The following OSBPL9 variants were observed in gnomAD, a reference collection of about 807,000 sequenced individuals.
OSBPL9 encodes oxysterol binding protein like 9.
A neutral mutation model predicts 106.6 loss-of-function variants in OSBPL9; 40 were observed. The observed-to-expected ratio is 0.38, with a 90% CI of 0.29 to 0.49. The LOEUF (loss-of-function observed/expected upper bound fraction) is 0.49. Among genes scored for constraint, OSBPL9 ranks in the 20% least tolerant of loss-of-function variants. The pLI, the probability that OSBPL9 is intolerant of heterozygous loss-of-function variation, is 0.97. For synonymous variants in OSBPL9, 269 were observed against 295.4 expected (o/e 0.91, Z 0.92); for missense variants, 609 against 887.2 (o/e 0.69, Z 3.98).
intron 2 of OSBPL9, among the ~76,000 whole-genome samples, chr1:51,667,045 A>G (rs1425563119): frequency 6.6e-6 from 1 of 152,220 alleles, no homozygotes; most frequent in African/African-American, 2.4e-5. Context: ...GAGAGGTAGA[A>G]TGAGCACAGC....
At chr1:51,746,119 T>C (rs780078796) in intron 5 of OSBPL9, among the ~76,000 whole-genome samples, 6 of 152,166 alleles carry the variant, frequency 3.9e-5, no homozygotes, top group Non-Finnish European at 7.4e-5. Context: ...GGTGCCCGTA[T>C]TTTTAGTAGA....
chr1:51,553,826 C>G, the OSBPL9 span, among the ~76,000 whole-genome samples: 5 of 152,044 alleles, frequency 3.3e-5, no homozygotes, highest in Non-Finnish European at 7.4e-5. Context: ...TTACAGGCAT[C>G]CGCCACCACA....
chr1:51,682,198 C>G (rs371433694), intron 3 of OSBPL9, among the ~76,000 whole-genome samples: 1 of 150,872 alleles, frequency 6.6e-6, no homozygotes, highest in Non-Finnish European at 1.5e-5. Flanking sequence ...AGCAAGACTC[C>G]GTCTCAAAAA....
Position 51,729,939 on chromosome 1 carries a change from C to T in OSBPL9, c.319-15597C>T. 7.6e-7 allele frequency: 1 copy of T among 1,310,384 alleles called. No homozygotes were observed. Among genetic ancestry groups the T allele is most frequent in the Non-Finnish European group, 9.8e-7 (1 of 1,021,360 alleles). 81.2% of individuals were successfully genotyped at this position (1,310,384 alleles called of 1,614,324 possible). ...GTGCTCGGGAGCAGCCCCCGGCTAC[C>T]TCCCCTGGAGGCACAGAGGGCGGGG... On this transcript the variant is annotated intron_variant, in intron 4 of 23. Transcript: ENST00000428468. The surrounding 1 kb of genome is among the most constrained non-coding windows in gnomAD (Gnocchi z 5.1).
the OSBPL9 span, among the ~76,000 whole-genome samples, chr1:51,558,644 C>T: frequency 6.6e-6 from 1 of 152,120 alleles, no homozygotes; most frequent in Non-Finnish European, 1.5e-5. Context: ...CATTCCCTAG[C>T]ACCCCGCCTG....
chr1:51,537,941 C>T, the OSBPL9 span, among the ~76,000 whole-genome samples: 206 of 152,242 alleles, frequency 1.4e-3, no homozygotes, highest in Middle Eastern at 0.014. Context: ...TCTCCCTTTT[C>T]CCACAGTAAG....
chr1:51,753,869 A>T (rs183849768), intron 8 of OSBPL9, among the ~76,000 whole-genome samples: 2 of 152,138 alleles, frequency 1.3e-5, no homozygotes, highest in East Asian at 3.9e-4. Context: ...CCATCCCTAG[A>T]CATTGTGTTA....
the OSBPL9 span, among the ~76,000 whole-genome samples, chr1:51,534,983 G>T: frequency 6.6e-6 from 1 of 152,140 alleles, no homozygotes; most frequent in Admixed American, 6.6e-5. Context: ...CAAGATGTGA[G>T]ACCCTCTCAC....
At chr1:51,662,035 A>G (rs1647207829) in intron 2 of OSBPL9, among the ~76,000 whole-genome samples, 2 of 152,218 alleles carry the variant, frequency 1.3e-5, no homozygotes, top group Non-Finnish European at 2.9e-5. Flanking sequence ...CCAGGACAAC[A>G]GGAATAATCC....
At chr1:51,683,087 G>T (rs1652944786) in intron 3 of OSBPL9, among the ~76,000 whole-genome samples, 1 of 152,046 alleles carries the variant, frequency 6.6e-6, no homozygotes, top group Non-Finnish European at 1.5e-5. Flanking sequence ...ACGTTGGCCA[G>T]GCTGGTCTTG....
intron 1 of OSBPL9, among the ~76,000 whole-genome samples, chr1:51,633,948 T>A (rs1645267182): frequency 6.6e-6 from 1 of 152,202 alleles, no homozygotes; most frequent in Non-Finnish European, 1.5e-5. Context: ...TAACAGTTTT[T>A]CATTGCAAAC....
At chr1:51,553,389 T>C in the OSBPL9 span, among the ~76,000 whole-genome samples, 1 of 151,726 alleles carries the variant, frequency 6.6e-6, no homozygotes, top group East Asian at 1.9e-4. Flanking sequence ...TGGCATGCAT[T>C]TGTAGTCTCA....
chr1:51,610,826 C>T (rs1181236127), intron 2 of OSBPL9, among the ~76,000 whole-genome samples: 1 of 152,212 alleles, frequency 6.6e-6, no homozygotes, highest in Non-Finnish European at 1.5e-5. Flanking sequence ...TCCATGTTGT[C>T]TACGTGAGGC....
At chr1:51,768,066 C>T (rs140334429) in intron 12 of OSBPL9, among the ~76,000 whole-genome samples, 1 of 150,764 alleles carries the variant, frequency 6.6e-6, no homozygotes, top group African/African-American at 2.4e-5. Flanking sequence ...CTCAGCCTCC[C>T]GAGTAGCTGG....
chr1:51,593,904 T>TCACA (rs58936844), intron 1 of OSBPL9, among the ~76,000 whole-genome samples: 10,447 of 140,076 alleles, frequency 0.075, 587 homozygotes, highest in East Asian at 0.17. Context: ...TAATCAGATT[T>TCACA]CACACACACA....
chr1:51,520,094 T>C, the OSBPL9 span, among the ~76,000 whole-genome samples: 1 of 152,230 alleles, frequency 6.6e-6, no homozygotes, highest in African/African-American at 2.4e-5. Flanking sequence ...TTACACACTC[T>C]CCTTTATAAC....
intron 3 of OSBPL9, among the ~76,000 whole-genome samples, chr1:51,671,345 AT>A (rs1220811879): frequency 1.3e-5 from 2 of 152,188 alleles, no homozygotes; most frequent in Non-Finnish European, 2.9e-5. Flanking sequence ...TTGAAAGCAA[AT>A]TTTAGCTATA....
At chr1:51,567,977 T>C in the OSBPL9 span, 5 of 152,178 alleles carry the variant, frequency 3.3e-5, no homozygotes, top group Non-Finnish European at 5.9e-5. Context: ...ACAATCAAAT[T>C]TGGGATTATT....
the OSBPL9 span, among the ~76,000 whole-genome samples, chr1:51,531,697 A>C: frequency 6.6e-6 from 1 of 152,192 alleles, no homozygotes; most frequent in African/African-American, 2.4e-5. Flanking sequence ...TGCGGTTGGA[A>C]TAAGAGTCTG....
Sources: gnomAD v4.1 joint callset for allele counts (sites outside exome capture counted in the v4.1 genomes callset) on GRCh38, gnomAD v4.1.1 for gene constraint, Gnocchi (gnomAD v3.1) non-coding constraint, MANE v1.5 for transcripts, NCBI Gene and HGNC (gene_info 2026-07-23, HGNC 2026-07-21) for gene names.